Variants in KLHL14 observed in about 807,000 individuals in gnomAD.
KLHL14 encodes the protein kelch-like protein 14.
KLHL14 carries 22 observed loss-of-function variants against 64.3 expected under a neutral mutation model. The observed-to-expected ratio is 0.34, with a 90% CI of 0.24 to 0.49. The LOEUF is 0.49. KLHL14 is among the 20% of genes least tolerant of loss of function. The probability of loss-of-function intolerance (pLI) is 0.99; values close to 1 mark genes in which losing one functional copy is unlikely to be tolerated. For synonymous variants in KLHL14, 322 were observed against 333.4 expected (o/e 0.97, Z 0.37); for missense variants, 661 against 789.0 (o/e 0.84, Z 1.94).
Position 32,688,878 on chromosome 18 carries a change from A to G in KLHL14, c.1160-1645T>C, listed in dbSNP as rs1265693903. Among the ~76,000 whole-genome samples the G allele has an allele frequency of 3.9e-5, 6 of 152,158 alleles. No individual in the cohort carries two copies. In the South Asian group the frequency reaches 6.2e-4, roughly 16 times the overall value. Reference sequence around the variant, plus strand: ...TGTCAGGAGGCCACTACAATCATCAAGGTAAGAGCTGTGGTGGCTTGAATG... The same window carrying G: ...TGTCAGGAGGCCACTACAATCATCAGGGTAAGAGCTGTGGTGGCTTGAATG... On this transcript the variant is annotated intron_variant, in intron 4 of 8. Transcript: ENST00000359358.
At chr18:32,755,095 C>T (rs1163042746) in intron 2 of KLHL14, among the ~76,000 whole-genome samples, 1 of 151,992 alleles carries the variant, frequency 6.6e-6, no homozygotes, top group Non-Finnish European at 1.5e-5. Flanking sequence ...TCTGCTTTTC[C>T]TCTCCCTCCT....
At chr18:32,748,367 AT>A (rs2050234346) in intron 2 of KLHL14, among the ~76,000 whole-genome samples, 1 of 45,420 alleles carries the variant, frequency 2.2e-5, no homozygotes. Context: ...TGTATTTTGT[AT>A]TTTTTAATTT....
intron 2 of KLHL14, among the ~76,000 whole-genome samples, chr18:32,758,047 A>C (rs1402568698): frequency 6.6e-6 from 1 of 152,192 alleles, no homozygotes; most frequent in African/African-American, 2.4e-5. Flanking sequence ...ACATAGCACA[A>C]CTAAAAATAA....
At chr18:32,710,588 A>C (rs9953972) in intron 3 of KLHL14, among the ~76,000 whole-genome samples, 44,750 of 152,062 alleles carry the variant, frequency 0.29, 6,832 homozygotes, top group African/African-American at 0.37. Context: ...CCAGGAGCAC[A>C]TGTCCCAGAG....
intron 3 of KLHL14, among the ~76,000 whole-genome samples, chr18:32,711,049 C>G (rs2050016830): frequency 6.6e-6 from 1 of 152,060 alleles, no homozygotes; most frequent in Non-Finnish European, 1.5e-5. Context: ...GCAAATAGGG[C>G]CCCTCCTTAG....
At chr18:32,762,095 T>TA (rs535726580) in intron 2 of KLHL14, among the ~76,000 whole-genome samples, 50 of 149,120 alleles carry the variant, frequency 3.4e-4, no homozygotes, top group East Asian at 7.8e-4. Flanking sequence ...ACAATGGATT[T>TA]AAAAAAAAAA....
chr18:32,738,366 T>G (rs894764386), intron 3 of KLHL14: 2 of 152,102 alleles, frequency 1.3e-5, no homozygotes, highest in Non-Finnish European at 2.9e-5. Flanking sequence ...TGCTTTCTAA[T>G]AAGTTAAGAT....
intron 4 of KLHL14, among the ~76,000 whole-genome samples, chr18:32,692,438 T>C (rs1483723607): frequency 1.3e-5 from 2 of 152,226 alleles, no homozygotes; most frequent in Non-Finnish European, 2.9e-5. Flanking sequence ...CCAGCAATGA[T>C]ATTAAAGCAT....
intron 2 of KLHL14, among the ~76,000 whole-genome samples, chr18:32,760,361 CAT>C (rs770439525): frequency 4.8e-5 from 7 of 144,556 alleles, no homozygotes; most frequent in Non-Finnish European, 7.7e-5. Flanking sequence ...CACACACACA[CAT>C]ATACACACAC....
chr18:32,769,950 C>T lies in KLHL14; in HGVS notation c.642G>A (p.Leu214=), dbSNP rs1285674467. Reference sequence around the variant, plus strand: ...CGCGCATCTCCTCGAAGTTGAGCAGCAGCACATCCTCCACCAGGTACTTGT... The same window carrying T: ...CGCGCATCTCCTCGAAGTTGAGCAGTAGCACATCCTCCACCAGGTACTTGT... ...LANKYLVEDV[L]LLNFEEMRAL... Residue 214 remains leucine, a synonymous_variant, in exon 2 of 9, where the codon CTG becomes CTA. Coordinates refer to ENST00000359358, the MANE Select transcript of KLHL14 (RefSeq NM_020805.3). 1 of 1,614,230 alleles carries T rather than the reference C, an allele frequency of 6.2e-7. No homozygotes were observed.
chr18:32,765,762 G>T (rs2050339505), intron 2 of KLHL14, among the ~76,000 whole-genome samples: 1 of 152,058 alleles, frequency 6.6e-6, no homozygotes, highest in African/African-American at 2.4e-5. Context: ...AAATGTAATG[G>T]CATTTTAATT....
Position 32,674,750 on chromosome 18 carries a change from G to T in KLHL14, c.1794C>A (p.Thr598=), listed in dbSNP as rs1191917314. Residue 598 remains threonine (T), a synonymous_variant, in exon 9 of 9, where the codon ACC becomes ACA. Coordinates refer to ENST00000359358, the MANE Select transcript of KLHL14 (RefSeq NM_020805.3). ...CTACATCTCCTTCGAGTTCTGTCCA[G>T]GTTCCTTTCTCTGGACAATAGCATA... The part of the protein sequence containing the change: ...STICYCPEKG[T]WTELEGDVAE... 1.3e-6 allele frequency: 1 copy of T among 780,974 alleles called. No homozygotes were observed. The highest frequency in any genetic ancestry group is 1.3e-5 in the South Asian group (1 of 74,618). The allele number at this position is 780,974 out of a possible 1,614,324, so 48.4% of individuals were successfully genotyped here.
chr18:32,733,333 T>C (rs935634916), intron 3 of KLHL14, among the ~76,000 whole-genome samples: 1 of 149,462 alleles, frequency 6.7e-6, no homozygotes, highest in African/African-American at 2.5e-5. Context: ...TAAAGAATAT[T>C]AGATGGTGGT....
rs2050397924 is a variant in KLHL14 at position 32,772,763 on chromosome 18, G to A, written c.-140C>T. Reference sequence around the variant, plus strand: ...AAGGTTTGCTGTCTCCTTGGGAGGGGGAAAACACCTTCTGGTTCCCAACTC... The same window carrying A: ...AAGGTTTGCTGTCTCCTTGGGAGGGAGAAAACACCTTCTGGTTCCCAACTC... On this transcript the variant is annotated 5_prime_UTR_variant, in exon 1 of 9. Transcript: ENST00000359358. 1 of 152,766 alleles carries A rather than the reference G, an allele frequency of 6.5e-6. No homozygotes were observed. The highest frequency in any genetic ancestry group is 1.5e-5 in the Non-Finnish European group (1 of 68,490). 9.5% of individuals were successfully genotyped at this position (152,766 alleles called of 1,614,324 possible).
chr18:32,685,721 G>A (rs970688), intron 5 of KLHL14, among the ~76,000 whole-genome samples: 28,512 of 152,090 alleles, frequency 0.19, 2,813 homozygotes, highest in Middle Eastern at 0.26. Context: ...TTTTCAGTGT[G>A]TAGCTTTAGT....
At position 32,674,768 on chromosome 18, in the gene KLHL14, A is replaced by G. The variant is rs1178303048; in HGVS notation, c.1776T>C (p.Tyr592=). ...CTGTCCAGGTTCCTTTCTCTGGACAATAGCATATTGTAGATGACTTGTAGG... is the reference window on the plus strand; with the variant it reads ...CTGTCCAGGTTCCTTTCTCTGGACAGTAGCATATTGTAGATGACTTGTAGG... ...MGAYKSSTIC[Y]CPEKGTWTEL... Residue 592 remains tyrosine, a synonymous_variant, in exon 9 of 9, where the codon TAT becomes TAC. Transcript: ENST00000359358. 1.3e-6 allele frequency: 1 copy of G among 780,930 alleles called. No individual in the cohort carries two copies. The highest frequency in any genetic ancestry group is 1.7e-5 in the Admixed American group (1 of 59,038). 48.4% of individuals were successfully genotyped at this position (780,930 alleles called of 1,614,324 possible). A position where few individuals can be genotyped will look rare whatever the true frequency, so the allele number is the denominator to read the frequency against.
chr18:32,707,845 C>CATAGCTGT lies in KLHL14; in HGVS notation c.1070-12301_1070-12294dup, dbSNP rs1403826541. The stretch of plus-strand genomic sequence containing the variant: ...TTTGTATCCTTTTGCTGTAATAAAT[C>CATAGCTGT]ATAGCTGTAAGTATGGCTATTCTAT... On this transcript the variant is annotated intron_variant, in intron 3 of 8. Transcript: ENST00000359358. Among the ~76,000 whole-genome samples, 4 of 152,186 alleles carry CATAGCTGT rather than the reference C, an allele frequency of 2.6e-5. No individual in the cohort carries two copies. In the East Asian group the frequency reaches 7.7e-4, roughly 29 times the overall value.
At chr18:32,741,722 T>C (rs2050199296) in intron 3 of KLHL14, among the ~76,000 whole-genome samples, 3 of 152,200 alleles carry the variant, frequency 2.0e-5, no homozygotes, top group Admixed American at 2.0e-4. Context: ...GATTTTAGGC[T>C]AGGCCTACTC....
intron 1 of KLHL14, chr18:32,771,233 C>T (rs1462038404): frequency 5.9e-6 from 1 of 170,922 alleles, no homozygotes; most frequent in Middle Eastern, 1.7e-3. Flanking sequence ...GGACCCCCTT[C>T]GATTATCCAT....
Sources: gnomAD v4.1 joint callset for allele counts (sites outside exome capture counted in the v4.1 genomes callset) on GRCh38, gnomAD v4.1.1 for gene constraint, MANE v1.5 for transcripts, NCBI Gene and HGNC (gene_info 2026-07-23, HGNC 2026-07-21) for gene names.